Variants in SLC22A3 observed in about 807,000 individuals in gnomAD.
The protein encoded by SLC22A3 is solute carrier family 22 member 3, also known as EMT organic cation transporter 3.
In SLC22A3, 51 loss-of-function variants were observed where a neutral mutation model predicts 59.1. The ratio of observed to expected loss-of-function variants is 0.86; its 90% CI spans 0.69 to 1.09. The LOEUF (loss-of-function observed/expected upper bound fraction) is 1.09. Among genes scored for constraint, SLC22A3 ranks in the 50% least tolerant of loss-of-function variants. The pLI is 0.00. For synonymous variants in SLC22A3, 325 were observed against 292.0 expected, an observed-to-expected ratio of 1.11 and a Z score of -1.15; for missense variants, 711 against 726.3, an observed-to-expected ratio of 0.98 and a Z score of 0.24.
intron 1 of SLC22A3, among the ~76,000 whole-genome samples, chr6:160,374,968 A>G (rs1785536254): frequency 6.6e-6 from 1 of 152,202 alleles, no homozygotes; most frequent in African/African-American, 2.4e-5. Flanking sequence ...ACAGAGACAG[A>G]GCAAGAGCAC....
At chr6:160,393,536 G>A (rs1385504970) in intron 1 of SLC22A3, among the ~76,000 whole-genome samples, 1 of 148,998 alleles carries the variant, frequency 6.7e-6, no homozygotes, top group Non-Finnish European at 1.5e-5. Context: ...GAGAACATGC[G>A]GTGTTTGGTA....
At chr6:160,401,870 G>A (rs1228804491) in intron 2 of SLC22A3, among the ~76,000 whole-genome samples, 2 of 151,604 alleles carry the variant, frequency 1.3e-5, no homozygotes, top group Non-Finnish European at 3.0e-5. Context: ...TTTTAAAAAA[G>A]CATGACTGAT....
In SLC22A3 at chr6:160,437,136, GGAC is replaced by G; in HGVS notation, c.1218_1220del (p.Arg407del). 1 of 1,614,164 alleles carries G rather than the reference GGAC, an allele frequency of 6.2e-7. No individual in the cohort carries two copies. Among genetic ancestry groups the G allele is most frequent in the Non-Finnish European group, 8.5e-7 (1 of 1,180,010 alleles). On this transcript the variant is annotated inframe_deletion, in exon 7 of 11. Coordinates refer to ENST00000275300, the MANE Select transcript of SLC22A3 (RefSeq NM_021977.4). ...GATCTTACTAACCATTGAGCGCCTT[GGAC>G]GACGCCTCCCCTTTGCGGCAAGCAA...
chr6:160,401,509 T>G (rs1009628550), intron 2 of SLC22A3, among the ~76,000 whole-genome samples: 1 of 149,308 alleles, frequency 6.7e-6, no homozygotes, highest in Non-Finnish European at 1.5e-5. Flanking sequence ...ATTGAGGGAA[T>G]TTGATGCCTT....
At chr6:160,390,788 A>G (rs1269098867) in intron 1 of SLC22A3, among the ~76,000 whole-genome samples, 1 of 152,182 alleles carries the variant, frequency 6.6e-6, no homozygotes, top group Non-Finnish European at 1.5e-5. Flanking sequence ...GGCTGATGAA[A>G]CAATATACCA....
chr6:160,390,654 A>G (rs764680500), intron 1 of SLC22A3, among the ~76,000 whole-genome samples: 75 of 152,298 alleles, frequency 4.9e-4, no homozygotes, highest in Admixed American at 1.4e-3. Flanking sequence ...TGTGTGGACC[A>G]GGACTCAGCA....
At chr6:160,445,701 T>G (rs1788713109) in intron 9 of SLC22A3, among the ~76,000 whole-genome samples, 1 of 152,144 alleles carries the variant, frequency 6.6e-6, no homozygotes. Flanking sequence ...AGAAGCCAGC[T>G]GGGCAAGATG....
chr6:160,348,623 G>C lies in SLC22A3; in HGVS notation c.204G>C (p.Glu68Asp), dbSNP rs769378803. 1.5e-5 allele frequency: 22 copies of C among 1,504,158 alleles called. No homozygotes were observed. The African/African-American group carries it at 2.8e-4, about 19-fold the overall frequency. The allele number at this position is 1,504,158 out of a possible 1,614,324, so 93.2% of individuals were successfully genotyped here. A position where few individuals can be genotyped will look rare whatever the true frequency, so the allele number is the denominator to read the frequency against. ...CCGAGCGCTGCGGCTGGAGCCCGGA[G>C]GAGGAGTGGAACCGCACGGCGCCCG... ...ALAERCGWSPEEEWNRTAPAS... is the reference protein window; with the variant it reads ...ALAERCGWSPDEEWNRTAPAS... Residue 68 changes from glutamate to aspartate, a missense_variant, in exon 1 of 11, where the codon GAG (glutamate) becomes GAC (aspartate). Glu to Asp is a conservative substitution (Grantham distance 45). Transcript: ENST00000275300.
At chr6:160,357,902 G>T (rs1583441173) in intron 1 of SLC22A3, among the ~76,000 whole-genome samples, 1 of 152,324 alleles carries the variant, frequency 6.6e-6, no homozygotes, top group Non-Finnish European at 1.5e-5. Context: ...GGGAAATTAT[G>T]TGACAAATTT....
intron 2 of SLC22A3, 111 bp downstream of exon 2, chr6:160,398,193 A>C: frequency 1.3e-6 from 1 of 779,622 alleles, no homozygotes; most frequent in Non-Finnish European, 2.2e-6. Context: ...AAATTCGCAA[A>C]CAATTCTTGA....
intron 1 of SLC22A3, among the ~76,000 whole-genome samples, chr6:160,358,661 G>A (rs549693191): frequency 1.1e-3 from 162 of 152,338 alleles, no homozygotes; most frequent in African/African-American, 3.8e-3. Context: ...TGGCTCTGGG[G>A]ACAAATGAGA....
intron 1 of SLC22A3, among the ~76,000 whole-genome samples, chr6:160,351,884 C>T (rs1468960416): frequency 6.6e-6 from 1 of 152,172 alleles, no homozygotes; most frequent in African/African-American, 2.4e-5. Flanking sequence ...AATCCGGGGG[C>T]CTTGATTGTA....
At chr6:160,448,333 G>A (rs79320859) in intron 10 of SLC22A3, among the ~76,000 whole-genome samples, 2 of 152,172 alleles carry the variant, frequency 1.3e-5, no homozygotes, top group African/African-American at 4.8e-5. Context: ...ATGACACACA[G>A]ATGATAGATA....
At chr6:160,441,623 T>G (rs527760859) in intron 7 of SLC22A3, among the ~76,000 whole-genome samples, 1 of 150,558 alleles carries the variant, frequency 6.6e-6, no homozygotes, top group South Asian at 2.1e-4. Flanking sequence ...TTTTTTTTTT[T>G]GACTTGGCTA....
chr6:160,434,830 C>G (rs1418997277), intron 5 of SLC22A3, among the ~76,000 whole-genome samples: 1 of 152,130 alleles, frequency 6.6e-6, no homozygotes, highest in Non-Finnish European at 1.5e-5. Flanking sequence ...GGTCAACTTG[C>G]TAATGAAACA....
intron 1 of SLC22A3, among the ~76,000 whole-genome samples, chr6:160,397,470 T>G (rs1041219379): frequency 6.6e-6 from 1 of 152,016 alleles, no homozygotes; most frequent in Non-Finnish European, 1.5e-5. Flanking sequence ...GCGCGGTGGC[T>G]CACTCCTATA....
rs987506430 is a variant in SLC22A3 at position 160,369,601 on chromosome 6, A to C, written c.429+20753A>C. Among the ~76,000 whole-genome samples, 9 of 152,198 alleles carry C rather than the reference A, an allele frequency of 5.9e-5. No individual in the cohort carries two copies. The East Asian group carries it at 1.5e-3, about 26-fold the overall frequency. On this transcript the variant is annotated intron_variant, in intron 1 of 10. Transcript: ENST00000275300. ...TGGAAGTTTCAACAATTTGTATTTCATGTTAGATAAAAGTAAGGAAGCTTT... is the reference window on the plus strand; with the variant it reads ...TGGAAGTTTCAACAATTTGTATTTCCTGTTAGATAAAAGTAAGGAAGCTTT...
In SLC22A3 at chr6:160,450,978, T is replaced by C; in HGVS notation, c.1611-18T>C. 6.3e-7 allele frequency: 1 copy of C among 1,578,094 alleles called. No homozygotes were observed. Among genetic ancestry groups the C allele is most frequent in the Non-Finnish European group, 8.6e-7 (1 of 1,158,274 alleles). ...GTTACATAATCTTTCCTAAAGACTT[T>C]CTCCTTTGTTTTTTCAGTCCACATT... is the stretch of plus-strand genomic sequence containing the variant. On this transcript the variant is annotated intron_variant, in intron 10 of 10. Coordinates refer to ENST00000275300, the MANE Select transcript of SLC22A3 (RefSeq NM_021977.4).
chr6:160,378,967 A>G (rs1785697765), intron 1 of SLC22A3, among the ~76,000 whole-genome samples: 1 of 152,240 alleles, frequency 6.6e-6, no homozygotes, highest in Admixed American at 6.5e-5. Context: ...CTAAGTGCAT[A>G]TCACTTTCAC....
Sources: gnomAD v4.1 joint callset for allele counts (sites outside exome capture counted in the v4.1 genomes callset) on GRCh38, gnomAD v4.1.1 for gene constraint, MANE v1.5 for transcripts, NCBI Gene and HGNC (gene_info 2026-07-23, HGNC 2026-07-21) for gene names.